Variants in RBM6 observed in about 807,000 individuals in gnomAD.
RBM6 encodes the protein RNA-binding protein 6.
In RBM6, 23 loss-of-function variants were observed where a neutral mutation model predicts 140.4. The ratio of observed to expected loss-of-function variants is 0.16; its 90% CI spans 0.12 to 0.23. The LOEUF (loss-of-function observed/expected upper bound fraction) is 0.23. RBM6 is among the 10% of genes least tolerant of loss of function. The pLI is 1.00. For synonymous variants in RBM6, 439 were observed against 475.6 expected, an observed-to-expected ratio of 0.92 and a Z score of 1.00; for missense variants, 1,139 against 1,386.7, an observed-to-expected ratio of 0.82 and a Z score of 2.84.
chr3:49,967,803 G>C lies in RBM6; in HGVS notation c.378G>C (p.Arg126=). ...GGGACATACATTCTGGGGATTTTCG[G>C]GATAGAGAAGGACCACCTATGGACT... ...RGRDIHSGDF[R]DREGPPMDYR... The change falls in exon 3 of 21, where the codon CGG becomes CGC. Residue 126 remains arginine, a synonymous_variant. Coordinates refer to ENST00000266022, the MANE Select transcript of RBM6 (RefSeq NM_005777.3). This position sits in a 1 kb window ranked among gnomAD's most constrained non-coding sequence, Gnocchi z 4.0. 1 of 1,614,068 alleles carries C rather than the reference G, an allele frequency of 6.2e-7. No individual in the cohort carries two copies. Among genetic ancestry groups the C allele is most frequent in the Non-Finnish European group, 8.5e-7 (1 of 1,180,028 alleles).
Position 50,066,228 on chromosome 3 carries a change from CCTT to C in RBM6, c.2683-11_2683-9del. Reference sequence around the variant, plus strand: ...GGTTGAATTTGGTATTGATCCCTGGCCTTCTCCTTCCAGCCTAAAGTGGTAAAC... The same window carrying C: ...GGTTGAATTTGGTATTGATCCCTGGCCTCCTTCCAGCCTAAAGTGGTAAAC... On this transcript the variant is annotated splice_polypyrimidine_tract_variant and intron_variant, in intron 16 of 20. Coordinates refer to ENST00000266022, the MANE Select transcript of RBM6 (RefSeq NM_005777.3). 1.2e-6 allele frequency: 2 copies of C among 1,603,330 alleles called. No homozygotes were observed. The highest frequency in any genetic ancestry group is 8.5e-7 in the Non-Finnish European group (1 of 1,173,116).
At chr3:50,020,666 A>G (rs1238558083) in intron 6 of RBM6, among the ~76,000 whole-genome samples, 1 of 152,214 alleles carries the variant, frequency 6.6e-6, no homozygotes, top group East Asian at 1.9e-4. Context: ...TGCAAATACC[A>G]TGGAGTGTAC....
intron 1 of RBM6, among the ~76,000 whole-genome samples, chr3:49,956,312 T>C (rs1460858495): frequency 2.6e-5 from 4 of 151,504 alleles, no homozygotes; most frequent in Non-Finnish European, 5.9e-5. Flanking sequence ...TTAGCCACTT[T>C]CTGCCCCCTC....
chr3:50,019,603 C>T (rs1310746237), intron 6 of RBM6, among the ~76,000 whole-genome samples: 1 of 152,152 alleles, frequency 6.6e-6, no homozygotes, highest in Non-Finnish European at 1.5e-5. Flanking sequence ...GATCCTCCCA[C>T]CTCAGCCTCC....
rs553459591 is a variant in RBM6 at position 50,061,419 on chromosome 3, A to G, written c.2354-43A>G. The G allele has an allele frequency of 7.8e-5, 124 of 1,586,134 alleles. 3 individuals are homozygous for G. In the South Asian group the frequency reaches 1.2e-3, roughly 15 times the overall value. Reference sequence around the variant, plus strand: ...TTGATGAGTCTCCAGTAAGGGCTTCATTGGACAGAGACTAACATTGGCTCT... The same window carrying G: ...TTGATGAGTCTCCAGTAAGGGCTTCGTTGGACAGAGACTAACATTGGCTCT... On this transcript the variant is annotated intron_variant, in intron 13 of 20. Coordinates refer to ENST00000266022, the MANE Select transcript of RBM6 (RefSeq NM_005777.3).
chr3:50,013,702 T>C (rs2086973090), intron 6 of RBM6, among the ~76,000 whole-genome samples: 1 of 152,142 alleles, frequency 6.6e-6, no homozygotes, highest in African/African-American at 2.4e-5. Flanking sequence ...GGCATTTGGA[T>C]GCCTGATACA....
intron 4 of RBM6, among the ~76,000 whole-genome samples, chr3:49,973,490 C>T (rs2084897154): frequency 6.6e-6 from 1 of 151,850 alleles, no homozygotes; most frequent in South Asian, 2.1e-4. Context: ...AAACTGGACA[C>T]TAAAAGGTTA....
intron 15 of RBM6, among the ~76,000 whole-genome samples, chr3:50,063,504 G>A (rs955676332): frequency 6.6e-6 from 1 of 151,776 alleles, no homozygotes; most frequent in Non-Finnish European, 1.5e-5. Flanking sequence ...TTGGGAGACT[G>A]AGTTAAGAGG....
chr3:49,997,380 T>A (rs560188215), intron 5 of RBM6, among the ~76,000 whole-genome samples: 2 of 152,242 alleles, frequency 1.3e-5, no homozygotes, highest in Non-Finnish European at 2.9e-5. Context: ...CTTCCCAATG[T>A]CTACTTGTCC....
intron 6 of RBM6, among the ~76,000 whole-genome samples, chr3:50,008,609 A>C (rs886479911): frequency 8.1e-6 from 1 of 124,090 alleles, no homozygotes; most frequent in East Asian, 2.5e-4. Flanking sequence ...GCTGGAGTGC[A>C]GTGGTGTGAT....
At chr3:49,953,766 C>T (rs1192403922) in intron 1 of RBM6, among the ~76,000 whole-genome samples, 3 of 151,838 alleles carry the variant, frequency 2.0e-5, no homozygotes, top group Non-Finnish European at 4.4e-5. Context: ...ATGATCTGCC[C>T]GCATCAGCCT....
intron 1 of RBM6, among the ~76,000 whole-genome samples, chr3:49,955,589 TC>T (rs752193986): frequency 1.4e-4 from 22 of 151,950 alleles, no homozygotes; most frequent in Non-Finnish European, 2.9e-4. Context: ...ACGCCTGTAA[TC>T]CCAGCCCTTT....
chr3:50,021,015 C>T (rs968261485), intron 6 of RBM6, among the ~76,000 whole-genome samples: 2 of 152,282 alleles, frequency 1.3e-5, no homozygotes, highest in East Asian at 1.9e-4. Flanking sequence ...GGGATTTTTA[C>T]AACTATATTA....
At chr3:50,060,405 C>A (rs1327263032) in intron 11 of RBM6, among the ~76,000 whole-genome samples, 1 of 152,062 alleles carries the variant, frequency 6.6e-6, no homozygotes, top group Non-Finnish European at 1.5e-5. Flanking sequence ...TGCTCTAGCA[C>A]CCTCCACTTA....
chr3:49,948,148 C>G (rs924803656), intron 1 of RBM6, among the ~76,000 whole-genome samples: 4 of 152,122 alleles, frequency 2.6e-5, no homozygotes, highest in Admixed American at 2.6e-4. Flanking sequence ...TTTCTGGTCT[C>G]TCCATTCAGT....
At chr3:50,056,356 G>A (rs1173782035) in intron 8 of RBM6, among the ~76,000 whole-genome samples, 2 of 151,252 alleles carry the variant, frequency 1.3e-5, no homozygotes, top group Non-Finnish European at 2.9e-5. Context: ...GTGCAGTGGC[G>A]CAATCTCGGC....
intron 5 of RBM6, among the ~76,000 whole-genome samples, chr3:49,985,745 T>C (rs2085523160): frequency 6.6e-6 from 1 of 151,898 alleles, no homozygotes; most frequent in South Asian, 2.1e-4. Context: ...TAGCTGGGAC[T>C]ACAGGCGCCT....
In RBM6 at chr3:50,075,241, A is replaced by C. The variant is rs2090425337; in HGVS notation, c.3157A>C (p.Ser1053Arg). ...TGATAAAGAAGATATCGACACTAGC[A>C]GCAAAGGAGGCTGTGTCCAACAGGC... ...LVDKEDIDTSSKGGCVQQATG... is the reference protein window; with the variant it reads ...LVDKEDIDTSRKGGCVQQATG... Residue 1053 changes from serine to arginine, a missense_variant, in exon 20 of 21, where the codon AGC becomes CGC. Physicochemically the swap from Ser to Arg is moderately radical, Grantham distance 110. Around this residue, in one of 9 missense-constraint regions of RBM6, gnomAD observed 125 missense variants for 142.0 expected, o/e 0.88. Transcript: ENST00000266022. 2.5e-6 allele frequency: 4 copies of C among 1,614,104 alleles called. No individual in the cohort carries two copies. Among genetic ancestry groups the C allele is most frequent in the Non-Finnish European group, 3.4e-6 (4 of 1,180,010 alleles).
intron 15 of RBM6, among the ~76,000 whole-genome samples, chr3:50,062,514 A>C (rs1420796074): frequency 6.6e-6 from 1 of 152,032 alleles, no homozygotes; most frequent in African/African-American, 2.4e-5. Context: ...AAAAAAAAAA[A>C]AAAACCTCTG....
Sources: gnomAD v4.1 joint callset for allele counts (sites outside exome capture counted in the v4.1 genomes callset) on GRCh38, gnomAD v4.1.1 for gene constraint, gnomAD v4.1.1 regional missense constraint, Gnocchi (gnomAD v3.1) non-coding constraint, MANE v1.5 for transcripts, NCBI Gene and HGNC (gene_info 2026-07-23, HGNC 2026-07-21) for gene names.